Variants in MYO9A observed in about 807,000 individuals in gnomAD.
MYO9A encodes the protein unconventional myosin-IXa.
Under a neutral mutation model 293.3 loss-of-function variants are expected in MYO9A, and 103 were observed. That is an observed-to-expected ratio of 0.35 (90% confidence interval 0.30 to 0.41). The LOEUF (loss-of-function observed/expected upper bound fraction) is 0.41, where lower values mean the gene tolerates loss of function less well. Among genes scored for constraint, MYO9A ranks in the 10% least tolerant of loss-of-function variants. The pLI, the probability that MYO9A is intolerant of heterozygous loss-of-function variation, is 1.00. For synonymous variants in MYO9A, 1,001 were observed against 1,035.7 expected (o/e 0.97, Z 0.64); for missense variants, 2,685 against 3,033.0 (o/e 0.89, Z 2.69).
chr15:72,041,388 T>C, intron 2 of MYO9A: 1 of 454,090 alleles, frequency 2.2e-6, no homozygotes, highest in South Asian at 1.8e-5. Flanking sequence ...CAGTTGATAA[T>C]CATGTCTCTG....
In MYO9A at chr15:71,898,913, C is replaced by A. The variant is rs745496498; in HGVS notation, c.3590G>T (p.Cys1197Phe). ...GGCTTTTATTCTGTTGTCAAAAGAA[C>A]AATCCTCCCATCCTGAAGGGTCTGA... ...QGSDPSGWED[C>F]SFDNRIKAIE... Residue 1197 changes from cysteine to phenylalanine, a missense_variant, in exon 25 of 42, where the codon TGT becomes TTT. Physicochemically the swap from Cys to Phe is radical, Grantham distance 205. This residue lies in a region of MYO9A where 1,434 missense variants were observed against 1,497.7 expected (regional missense o/e 0.96). Coordinates refer to ENST00000356056, the MANE Select transcript of MYO9A (RefSeq NM_006901.4). The A allele has an allele frequency of 6.8e-6, 11 of 1,614,066 alleles. No individual in the cohort carries two copies. Among genetic ancestry groups the A allele is most frequent in the Non-Finnish European group, 9.3e-6 (11 of 1,179,966 alleles).
intron 15 of MYO9A, among the ~76,000 whole-genome samples, chr15:71,943,752 T>A (rs1023968117): frequency 9.2e-5 from 14 of 152,116 alleles, no homozygotes; most frequent in African/African-American, 3.4e-4. Context: ...TTGGCTTGTA[T>A]TGACTAGAAC....
At chr15:71,864,651 A>G (rs1394551985) in intron 32 of MYO9A, among the ~76,000 whole-genome samples, 1 of 152,260 alleles carries the variant, frequency 6.6e-6, no homozygotes, top group Non-Finnish European at 1.5e-5. Context: ...ATTTAGCATT[A>G]AAGAAGACTG....
At chr15:72,081,024 A>C (rs1479835303) in intron 1 of MYO9A, among the ~76,000 whole-genome samples, 3 of 152,140 alleles carry the variant, frequency 2.0e-5, no homozygotes, top group Non-Finnish European at 4.4e-5. Flanking sequence ...GCAGTGAACA[A>C]ACACACATGT....
intron 30 of MYO9A, among the ~76,000 whole-genome samples, chr15:71,879,250 T>C (rs1275789539): frequency 6.6e-6 from 1 of 152,218 alleles, no homozygotes; most frequent in East Asian, 1.9e-4. Flanking sequence ...ACCAGTATCA[T>C]GTGAAAGTAT....
At chr15:71,966,831 T>A (rs752805107) in intron 13 of MYO9A, among the ~76,000 whole-genome samples, 3 of 152,196 alleles carry the variant, frequency 2.0e-5, no homozygotes, top group Non-Finnish European at 4.4e-5. Context: ...ACAAGTCGTA[T>A]CCTCTGCTTA....
chr15:71,968,130 A>AT lies in MYO9A; in HGVS notation c.1845-6dup. On this transcript the variant is annotated splice_polypyrimidine_tract_variant and splice_region_variant and intron_variant, in intron 12 of 41. Coordinates refer to ENST00000356056, the MANE Select transcript of MYO9A (RefSeq NM_006901.4). ...TGATTTGTAGCCTGTGGAAAGCTGA[A>AT]TTAAAAAAAAAAGAAAAAATATCAT... The AT allele has an allele frequency of 6.4e-7, 1 of 1,557,530 alleles. No homozygotes were observed. Among genetic ancestry groups the AT allele is most frequent in the Middle Eastern group, 2.1e-4 (1 of 4,756 alleles).
At chr15:71,845,305 C>A (rs1396401373) in intron 39 of MYO9A, among the ~76,000 whole-genome samples, 1 of 147,592 alleles carries the variant, frequency 6.8e-6, no homozygotes, top group Non-Finnish European at 1.5e-5. Context: ...ACTTTAAATA[C>A]AGCTAGTATC....
rs1435664782 is a variant in MYO9A at position 71,826,722 on chromosome 15, A to T, written c.7505T>A (p.Leu2502Ter). The change falls in exon 42 of 42, where the codon TTA becomes TAA. Residue 2502 changes from leucine (L) to a stop codon, truncating the protein, a stop_gained. Coordinates refer to ENST00000356056, the MANE Select transcript of MYO9A (RefSeq NM_006901.4). LOFTEE classifies it high-confidence loss of function. ...TFNPEKGKQK[L>*]KNVKNSPQKT... Reference sequence around the variant, plus strand: ...CTGAGGTGAGTTTTTCACATTCTTTAATTTTTGTTTGCCCTTTTCCGGGTT... The same window carrying T: ...CTGAGGTGAGTTTTTCACATTCTTTTATTTTTGTTTGCCCTTTTCCGGGTT... 4 of 1,613,944 alleles carry T rather than the reference A, an allele frequency of 2.5e-6. No homozygotes were observed. Among genetic ancestry groups the T allele is most frequent in the Non-Finnish European group, 2.5e-6 (3 of 1,179,964 alleles).
At position 71,858,996 on chromosome 15, in the gene MYO9A, CTTTTTTAG is replaced by C. The variant is rs1429397155; in HGVS notation, c.6153+731_6153+738del. Among the ~76,000 whole-genome samples the C allele has an allele frequency of 1.4e-4, 21 of 152,148 alleles. 1 individual carries two copies. Among genetic ancestry groups the C allele is most frequent in the Admixed American group, 1.4e-3 (21 of 15,276 alleles). ...CAGCTCCCTGATGCTTGCCAACAAA[CTTTTTTAG>C]TATTTGTCTGACATAAGCTGCTCCA... On this transcript the variant is annotated intron_variant, in intron 34 of 41. Transcript: ENST00000356056.
chr15:71,910,031 CT>C lies in MYO9A; in HGVS notation c.2686-5026del, dbSNP rs987863282. 1.1e-4 allele frequency among the ~76,000 whole-genome samples: 16 copies of C among 149,888 alleles called. 1 individual carries two copies. The highest frequency in any genetic ancestry group is 9.3e-4 in the Admixed American group (14 of 14,986). On this transcript the variant is annotated intron_variant, in intron 19 of 41. Coordinates refer to ENST00000356056, the MANE Select transcript of MYO9A (RefSeq NM_006901.4). ...TTAAAATAATAAGTGTAAATTATGA[CT>C]TTTTACAAAAGGAAGACATTGTTGT...
Position 71,825,299 on chromosome 15 carries a change from GTGGGAAGAAATTCCA to G in MYO9A, c.*1266_*1280del, listed in dbSNP as rs1157922501. Reference sequence around the variant, plus strand: ...CCCCCTGTCCAGTGGCCCCTCATCTGTGGGAAGAAATTCCATGGGAAGGAGGGAAGCACAAGGTTA... The same window carrying G: ...CCCCCTGTCCAGTGGCCCCTCATCTGTGGGAAGGAGGGAAGCACAAGGTTA... On this transcript the variant is annotated 3_prime_UTR_variant, in exon 42 of 42. Transcript: ENST00000356056. 1.3e-5 allele frequency: 2 copies of G among 152,150 alleles called. No homozygotes were observed. Among genetic ancestry groups the G allele is most frequent in the Non-Finnish European group, 2.9e-5 (2 of 68,032 alleles). 9.4% of individuals were successfully genotyped at this position (152,150 alleles called of 1,614,324 possible).
chr15:71,948,801 T>C (rs561184299), intron 15 of MYO9A, among the ~76,000 whole-genome samples: 3 of 152,332 alleles, frequency 2.0e-5, no homozygotes, highest in East Asian at 1.9e-4. Context: ...AGGATACTTT[T>C]GCTACATGAT....
chr15:71,928,328 C>T lies in MYO9A; in HGVS notation c.2562+5342G>A, dbSNP rs527546828. On this transcript the variant is annotated intron_variant, in intron 18 of 41. Coordinates refer to ENST00000356056, the MANE Select transcript of MYO9A (RefSeq NM_006901.4). Reference sequence around the variant, plus strand: ...TCCTGACCTCATGATCCACCCGCCTCGGCCTCCCAAAGTGCTGTCTAATAT... The same window carrying T: ...TCCTGACCTCATGATCCACCCGCCTTGGCCTCCCAAAGTGCTGTCTAATAT... 8.7e-4 allele frequency among the ~76,000 whole-genome samples: 131 copies of T among 151,314 alleles called. 1 individual carries two copies. Among genetic ancestry groups the T allele is most frequent in the Middle Eastern group, 3.4e-3 (1 of 294 alleles).
intron 15 of MYO9A, among the ~76,000 whole-genome samples, chr15:71,942,450 TGTTCA>T (rs2058802774): frequency 1.3e-5 from 2 of 152,086 alleles, no homozygotes; most frequent in South Asian, 4.1e-4. Context: ...TTTTTTAAAC[TGTTCA>T]GTTTAGTCCA....
intron 2 of MYO9A, among the ~76,000 whole-genome samples, chr15:72,043,166 A>G (rs1203623659): frequency 6.6e-6 from 1 of 152,202 alleles, no homozygotes. Context: ...CTGTATATCT[A>G]TATACTAGCA....
intron 35 of MYO9A, among the ~76,000 whole-genome samples, chr15:71,852,747 A>G (rs531464863): frequency 6.6e-6 from 1 of 152,336 alleles, no homozygotes; most frequent in Admixed American, 6.5e-5. Flanking sequence ...AACTGTGGTG[A>G]AAGAATACGT....
Position 71,879,822 on chromosome 15 carries a change from T to A in MYO9A, c.5638A>T (p.Asn1880Tyr), listed in dbSNP as rs148441603. ...AGTGTATCCTTCTTGCTGTCTTCAT[T>A]ATCTAGGTCATTCACCTGGGAACCA... Reference protein sequence around the residue: ...FLLKKVNDLDNEDSKKDTLVD... With the variant: ...FLLKKVNDLDYEDSKKDTLVD... Residue 1880 changes from asparagine to tyrosine, a missense_variant, in exon 30 of 42, where the codon AAT becomes TAT. Physicochemically the swap from Asn to Tyr is moderately radical, Grantham distance 143. Coordinates refer to ENST00000356056, the MANE Select transcript of MYO9A (RefSeq NM_006901.4). 8 of 1,611,004 alleles carry A rather than the reference T, an allele frequency of 5.0e-6. No homozygotes were observed. The African/African-American group carries it at 8.0e-5, about 16-fold the overall frequency.
At chr15:72,005,914 A>C (rs1199910777) in intron 8 of MYO9A, among the ~76,000 whole-genome samples, 1 of 152,230 alleles carries the variant, frequency 6.6e-6, no homozygotes, top group Non-Finnish European at 1.5e-5. Flanking sequence ...TGGAAGATGA[A>C]TAATATTTTT....
Sources: gnomAD v4.1 joint callset for allele counts (sites outside exome capture counted in the v4.1 genomes callset) on GRCh38, gnomAD v4.1.1 for gene constraint, gnomAD v4.1.1 regional missense constraint, MANE v1.5 for transcripts, NCBI Gene and HGNC (gene_info 2026-07-23, HGNC 2026-07-21) for gene names.